Variants in UBR1 observed in about 807,000 individuals in gnomAD.
UBR1 encodes the protein E3 ubiquitin-protein ligase UBR1.
A neutral mutation model predicts 242.1 loss-of-function variants in UBR1; 102 were observed. The observed-to-expected ratio is 0.42, with a 90% CI of 0.36 to 0.50. The LOEUF is 0.50. Among genes scored for constraint, UBR1 ranks in the 20% least tolerant of loss-of-function variants. The pLI, the probability that UBR1 is intolerant of heterozygous loss-of-function variation, is 0.01. For missense variants in UBR1, 1,772 were observed against 2,101.8 expected, an observed-to-expected ratio of 0.84 and a Z score of 3.07; for synonymous variants, 675 against 684.8, an observed-to-expected ratio of 0.99 and a Z score of 0.22.
At chr15:42,988,663 A>T in intron 35 of UBR1, 156 bp downstream of exon 35, 1 of 978,394 alleles carries the variant, frequency 1.0e-6, no homozygotes, top group Non-Finnish European at 1.6e-6. Context: ...AAATTACCAG[A>T]CCAAATGGCA....
At chr15:43,000,201 C>A (rs1356942907) in intron 32 of UBR1, among the ~76,000 whole-genome samples, 1 of 152,068 alleles carries the variant, frequency 6.6e-6, no homozygotes, top group Non-Finnish European at 1.5e-5. Flanking sequence ...ATGGGTAAGT[C>A]GAAGTATCTA....
At chr15:43,047,329 C>T in intron 13 of UBR1, 40 bp from the exon 14 acceptor site, 1 of 1,613,730 alleles carries the variant, frequency 6.2e-7, no homozygotes, top group Non-Finnish European at 8.5e-7. Context: ...TATCTGAGCC[C>T]TCTCTCTTTG....
intron 19 of UBR1, among the ~76,000 whole-genome samples, chr15:43,033,469 C>A (rs1159178744): frequency 6.6e-6 from 1 of 151,828 alleles, no homozygotes; most frequent in Non-Finnish European, 1.5e-5. Flanking sequence ...CATCGTGAAA[C>A]CTCGTCTCTA....
At chr15:42,966,387 T>C (rs2032106326) in intron 40 of UBR1, 101 bp from the exon 41 acceptor site, 3 of 1,474,550 alleles carry the variant, frequency 2.0e-6, no homozygotes, top group Non-Finnish European at 2.8e-6. Context: ...AACATTTAGG[T>C]AATTTATTAT....
At chr15:43,063,404 C>T (rs1223933030) in intron 6 of UBR1, among the ~76,000 whole-genome samples, 1 of 152,146 alleles carries the variant, frequency 6.6e-6, no homozygotes, top group African/African-American at 2.4e-5. Flanking sequence ...TAGAGTCCTA[C>T]GATCATGATA....
intron 15 of UBR1, among the ~76,000 whole-genome samples, chr15:43,043,000 G>A (rs977188257): frequency 1.3e-5 from 2 of 152,062 alleles, no homozygotes; most frequent in African/African-American, 4.8e-5. Context: ...TCCATAAGTT[G>A]ACCCAGACAA....
rs535938292 is a variant in UBR1, at chr15:42,984,835, G to A, written c.4053+52C>T. On this transcript the variant is annotated intron_variant, in intron 36 of 46. Coordinates refer to ENST00000290650, the MANE Select transcript of UBR1 (RefSeq NM_174916.3). ...TTTGTTTTTAATAATAAACTGTGGG[G>A]GGGAAAAAAGGCATGCCATGAGTTA... 1.7e-5 allele frequency: 25 copies of A among 1,461,500 alleles called. No homozygotes were observed. The African/African-American group carries it at 3.1e-4, about 18-fold the overall frequency. The allele number at this position is 1,461,500 out of a possible 1,614,324, so 90.5% of individuals were successfully genotyped here.
chr15:43,032,895 G>A (rs1272895082), intron 19 of UBR1, among the ~76,000 whole-genome samples: 1 of 152,086 alleles, frequency 6.6e-6, no homozygotes, highest in East Asian at 1.9e-4. Flanking sequence ...AAGCACACAT[G>A]CTAATCTTCA....
rs72143292 is a variant in UBR1, at chr15:42,965,464, CT to C, written c.4591+688del. Reference sequence around the variant, plus strand: ...TCATTCTTTAATGTAGTCATATGTACTTTTTTTTTTTTTTTTTGAGACAGAG... The same window carrying C: ...TCATTCTTTAATGTAGTCATATGTACTTTTTTTTTTTTTTTTGAGACAGAG... On this transcript the variant is annotated intron_variant, in intron 41 of 46. Coordinates refer to ENST00000290650, the MANE Select transcript of UBR1 (RefSeq NM_174916.3). Among the ~76,000 whole-genome samples, 700 of 136,200 alleles carry C rather than the reference CT, an allele frequency of 5.1e-3. 4 individuals are homozygous for C. The highest frequency in any genetic ancestry group is 0.014 in the African/African-American group (530 of 37,128). The allele number at this position is 136,200 out of a possible 152,430, so 89.4% of individuals were successfully genotyped here.
intron 1 of UBR1, among the ~76,000 whole-genome samples, chr15:43,094,022 G>A (rs2034133185): frequency 6.6e-6 from 1 of 152,118 alleles, no homozygotes; most frequent in African/African-American, 2.4e-5. Context: ...CTAAAGACAT[G>A]GTATCCTGAC....
chr15:43,015,051 C>G (rs952036376), intron 29 of UBR1, among the ~76,000 whole-genome samples: 9 of 151,610 alleles, frequency 5.9e-5, no homozygotes, highest in Non-Finnish European at 1.0e-4. Context: ...GCCAGCCACC[C>G]CGTCCGGGAG....
intron 20 of UBR1, 116 bp from the exon 21 acceptor site, chr15:43,030,184 G>C (rs904810899): frequency 5.1e-6 from 6 of 1,181,622 alleles, no homozygotes; most frequent in Middle Eastern, 2.8e-4. Flanking sequence ...CTGTGAGAGA[G>C]GGGCAAAAGT....
At chr15:42,946,974 C>T (rs2031746663) in intron 46 of UBR1, among the ~76,000 whole-genome samples, 1 of 151,872 alleles carries the variant, frequency 6.6e-6, no homozygotes, top group African/African-American at 2.4e-5. Context: ...ACAGTAAAAC[C>T]CCGTCACTAC....
intron 32 of UBR1, among the ~76,000 whole-genome samples, chr15:43,002,140 A>G (rs2032735302): frequency 6.6e-6 from 1 of 152,252 alleles, no homozygotes; most frequent in Non-Finnish European, 1.5e-5. Flanking sequence ...TATAAAATGA[A>G]AAAGTATTAA....
intron 27 of UBR1, among the ~76,000 whole-genome samples, chr15:43,018,290 C>T (rs1014231532): frequency 3.5e-4 from 53 of 152,250 alleles, no homozygotes; most frequent in African/African-American, 1.0e-3. Context: ...CATGAGCCAT[C>T]GCGCCCAGCT....
intron 11 of UBR1, 119 bp from the exon 12 acceptor site, chr15:43,055,018 TAAACACAGTCCTTAGTTTCACTG>T (rs1477477115): frequency 1.7e-6 from 2 of 1,190,452 alleles, no homozygotes; most frequent in Non-Finnish European, 2.4e-6. Context: ...TATTGAATGT[TAAACACAGTCCTTAGTTTCACTG>T]AATAGCAACT....
At chr15:42,983,582 T>C (rs1337479738) in intron 37 of UBR1, among the ~76,000 whole-genome samples, 2 of 151,274 alleles carry the variant, frequency 1.3e-5, no homozygotes, top group Non-Finnish European at 1.5e-5. Context: ...GCAGAATCAC[T>C]TGAACACGTG....
In UBR1 at chr15:43,024,976, C is replaced by T. The variant is rs201559284; in HGVS notation, c.2592G>A (p.Pro864=). 1.4e-5 allele frequency: 23 copies of T among 1,613,982 alleles called. No individual in the cohort carries two copies. The highest frequency in any genetic ancestry group is 5.0e-5 in the Admixed American group (3 of 60,010). ...RKQENKDEAL[P]PPPPPEFCPA... is the part of the protein sequence containing the mutation. ...GGCAGAATTCAGGAGGTGGTGGTGG[C>T]GGCAATGCTATAGGAGGTGGGGAAT... Residue 864 remains proline, a synonymous_variant, in exon 25 of 47, where the codon CCG becomes CCA. Coordinates refer to ENST00000290650, the MANE Select transcript of UBR1 (RefSeq NM_174916.3).
At chr15:43,018,012 T>G (rs1027316312) in intron 27 of UBR1, among the ~76,000 whole-genome samples, 1 of 151,764 alleles carries the variant, frequency 6.6e-6, no homozygotes, top group South Asian at 2.1e-4. Flanking sequence ...TTTGTTGTTT[T>G]TTTTTTTTTT....
Sources: allele counts gnomAD v4.1 joint callset (sites outside exome capture counted in the v4.1 genomes callset), GRCh38; gene constraint gnomAD v4.1.1; transcripts MANE v1.5; gene names NCBI Gene and HGNC (gene_info 2026-07-23, HGNC 2026-07-21).